PIP5K1A: variants seen among roughly 807,000 people sequenced by gnomAD.
PIP5K1A encodes phosphatidylinositol 4-phosphate 5-kinase type-1 alpha.
Under a neutral mutation model 72.9 loss-of-function variants are expected in PIP5K1A, and 46 were observed. The ratio of observed to expected loss-of-function variants is 0.63; its 90% confidence interval spans 0.50 to 0.81. PIP5K1A has a LOEUF of 0.81. Ranked by LOEUF, PIP5K1A falls within the 30% of genes least tolerant of loss-of-function variation. The pLI, the probability that PIP5K1A is intolerant of heterozygous loss-of-function variation, is 0.00. For synonymous variants in PIP5K1A, 228 were observed against 255.1 expected (o/e 0.89, Z 1.01); for missense variants, 458 against 706.1 (o/e 0.65, Z 3.98).
intron 1 of PIP5K1A, among the ~76,000 whole-genome samples, chr1:151,222,481 G>A (rs1460662565): frequency 6.6e-6 from 1 of 152,194 alleles, no homozygotes; most frequent in Non-Finnish European, 1.5e-5. Flanking sequence ...TTTTTAGGGA[G>A]TAGAAAGTTT....
chr1:151,217,169 C>T (rs754523042), intron 1 of PIP5K1A, among the ~76,000 whole-genome samples: 34 of 152,096 alleles, frequency 2.2e-4, no homozygotes, highest in African/African-American at 8.2e-4. Context: ...CACTAGGCCT[C>T]CCAAAGTGCT....
At chr1:151,215,751 TTG>T (rs1409373609) in intron 1 of PIP5K1A, among the ~76,000 whole-genome samples, 1 of 152,230 alleles carries the variant, frequency 6.6e-6, no homozygotes. Context: ...CCGAGAATTT[TTG>T]TGTCAGAGGC....
rs140149315 is a variant in PIP5K1A at position 151,212,479 on chromosome 1, A to T, written c.86-11766A>T. 1.3e-3 allele frequency among the ~76,000 whole-genome samples: 199 copies of T among 152,330 alleles called. 1 individual carries two copies. The highest frequency in any genetic ancestry group is 4.5e-3 in the African/African-American group (187 of 41,572). On this transcript the variant is annotated intron_variant, in intron 1 of 15. Coordinates refer to ENST00000368888, the MANE Select transcript of PIP5K1A (RefSeq NM_001135638.2). ...CCCAGTACCTCTTCACCACAAACACAATTAAAGGTGGGGCCGAGGATCAAA... is the reference window on the plus strand; with the variant it reads ...CCCAGTACCTCTTCACCACAAACACTATTAAAGGTGGGGCCGAGGATCAAA...
intron 1 of PIP5K1A, 117 bp downstream of exon 1, chr1:151,199,198 G>A (rs1250174646): frequency 6.4e-7 from 1 of 1,558,226 alleles, no homozygotes; most frequent in Non-Finnish European, 8.7e-7. Flanking sequence ...GTAAGTGGGC[G>A]CGAGCTGGGC....
At chr1:151,240,299 T>G in intron 12 of PIP5K1A, 1 of 405,872 alleles carries the variant, frequency 2.5e-6, no homozygotes, top group Non-Finnish European at 4.4e-6. Context: ...TGCAAAAAAA[T>G]AAATAAATAA....
chr1:151,198,805 C>G lies in PIP5K1A; in HGVS notation c.-192C>G, dbSNP rs1375346867. ...TGCGGGACGTGAGTTCTTCCCCATGCCAGGCGAATGGTGTGGCCTTGAGCT... is the reference window on the plus strand; with the variant it reads ...TGCGGGACGTGAGTTCTTCCCCATGGCAGGCGAATGGTGTGGCCTTGAGCT... On this transcript the variant is annotated 5_prime_UTR_variant, in exon 1 of 16. Transcript: ENST00000368888. 1.5e-6 allele frequency: 1 copy of G among 659,598 alleles called. No homozygotes were observed. Among genetic ancestry groups the G allele is most frequent in the African/African-American group, 1.8e-5 (1 of 55,684 alleles). 40.9% of individuals were successfully genotyped at this position (659,598 alleles called of 1,614,324 possible).
chr1:151,243,957 A>G (rs1399756502), intron 14 of PIP5K1A, among the ~76,000 whole-genome samples: 1 of 152,166 alleles, frequency 6.6e-6, no homozygotes, highest in East Asian at 1.9e-4. Context: ...GTATGACTGA[A>G]TAGCACAATC....
rs1684779285 is a variant in PIP5K1A at position 151,198,757 on chromosome 1, A to G, written c.-240A>G. 8.4e-6 allele frequency: 5 copies of G among 595,890 alleles called. No individual in the cohort carries two copies. Among genetic ancestry groups the G allele is most frequent in the East Asian group, 8.2e-5 (3 of 36,436 alleles). The allele number at this position is 595,890 out of a possible 1,614,324, so 36.9% of individuals were successfully genotyped here. ...AAAGGGGAAAGTATCCCCTGTGGAA[A>G]GCGGTTAAACTTGTGGAGGGGGTGC... is the stretch of plus-strand genomic sequence containing the variant. On this transcript the variant is annotated 5_prime_UTR_variant, in exon 1 of 16. Coordinates refer to ENST00000368888, the MANE Select transcript of PIP5K1A (RefSeq NM_001135638.2).
chr1:151,240,530 G>A (rs1362701254), intron 12 of PIP5K1A, among the ~76,000 whole-genome samples: 1 of 152,144 alleles, frequency 6.6e-6, no homozygotes, highest in African/African-American at 2.4e-5. Context: ...CTTCCATGCT[G>A]CTGCCATAGC....
intron 8 of PIP5K1A, 55 bp from the exon 9 acceptor site, chr1:151,236,503 G>T: frequency 7.3e-7 from 1 of 1,371,556 alleles, no homozygotes. Flanking sequence ...GTGAGATCCT[G>T]AAAAATATTT....
chr1:151,231,593 A>G, intron 4 of PIP5K1A, 78 bp from the exon 5 acceptor site: 2 of 1,279,390 alleles, frequency 1.6e-6, no homozygotes, highest in Non-Finnish European at 2.3e-6. Flanking sequence ...TGTTCCTTCT[A>G]GCTTCCCCTT....
At position 151,234,110 on chromosome 1, in the gene PIP5K1A, G is replaced by A. The variant is rs149336351; in HGVS notation, c.640-87G>A. ...TCTAAATCTCATATAGGAGATAAAG[G>A]GAGGATGGGTGGTAACTTTTACTGG... On this transcript the variant is annotated intron_variant, in intron 7 of 15. Transcript: ENST00000368888. 3.4e-4 allele frequency: 316 copies of A among 932,806 alleles called. 1 individual carries two copies. In the African/African-American group the frequency reaches 4.9e-3, roughly 14 times the overall value. 57.8% of individuals were successfully genotyped at this position (932,806 alleles called of 1,614,324 possible).
chr1:151,224,179 T>C, intron 1 of PIP5K1A, 66 bp from the exon 2 acceptor site: 1 of 1,395,568 alleles, frequency 7.2e-7, no homozygotes, highest in Non-Finnish European at 1.0e-6. Flanking sequence ...TCTGATGGTT[T>C]CAGTATGCTT....
chr1:151,247,873 G>A lies in PIP5K1A; in HGVS notation c.*8G>A, dbSNP rs752933520. 37 of 1,610,380 alleles carry A rather than the reference G, an allele frequency of 2.3e-5. No homozygotes were observed. The highest frequency in any genetic ancestry group is 2.9e-5 in the Non-Finnish European group (34 of 1,176,758). On this transcript the variant is annotated 3_prime_UTR_variant, in exon 16 of 16. Coordinates refer to ENST00000368888, the MANE Select transcript of PIP5K1A (RefSeq NM_001135638.2). ...ACTCTCCCTTTTCAGTAAGCGCAAA[G>A]CCTCAGAAGACCTGGAACAAGATTC...
intron 9 of PIP5K1A, among the ~76,000 whole-genome samples, chr1:151,237,668 A>G (rs1691083748): frequency 6.6e-6 from 1 of 152,196 alleles, no homozygotes; most frequent in African/African-American, 2.4e-5. Flanking sequence ...TGTCAAAAAA[A>G]AAAAAATTGT....
chr1:151,196,728 AT>A (rs1210362634), upstream of PIP5K1A, among the ~76,000 whole-genome samples: 2 of 150,592 alleles, frequency 1.3e-5, no homozygotes, highest in Non-Finnish European at 3.0e-5. Flanking sequence ...CGCCTGGGTA[AT>A]TTTGTATTTT....
rs1691906753 is a variant in PIP5K1A, at chr1:151,242,546, CTT to C, written c.1621_1622del (p.Leu541AlafsTer13). On this transcript the variant is annotated frameshift_variant, in exon 14 of 16. Coordinates refer to ENST00000368888, the MANE Select transcript of PIP5K1A (RefSeq NM_001135638.2). LOFTEE classifies it high-confidence loss of function. ...AGTTTCTCACCTCTAGTTGGAGAGACTTTGCAAATGCTAACTACAAGGTTGGT... is the reference window on the plus strand; with the variant it reads ...AGTTTCTCACCTCTAGTTGGAGAGACTGCAAATGCTAACTACAAGGTTGGT... 1.9e-6 allele frequency: 3 copies of C among 1,613,814 alleles called. No individual in the cohort carries two copies. The African/African-American group carries it at 4.0e-5, about 22-fold the overall frequency.
intron 12 of PIP5K1A, 75 bp from the exon 13 acceptor site, chr1:151,242,048 C>T (rs1691806643): frequency 4.1e-6 from 6 of 1,478,134 alleles, no homozygotes; most frequent in Non-Finnish European, 4.7e-6. Flanking sequence ...GGGATACTAG[C>T]AATTATTTGT....
intron 1 of PIP5K1A, 169 bp downstream of exon 1, chr1:151,199,250 G>A (rs976815917): frequency 1.7e-5 from 23 of 1,318,174 alleles, no homozygotes; most frequent in Admixed American, 2.7e-5. Context: ...TTTGAGGAAA[G>A]GATAAGTTTG....
Sources: gnomAD v4.1 joint callset for allele counts (sites outside exome capture counted in the v4.1 genomes callset) on GRCh38, gnomAD v4.1.1 for gene constraint, MANE v1.5 for transcripts, NCBI Gene and HGNC (gene_info 2026-07-23, HGNC 2026-07-21) for gene names.